CELF2: variants seen among roughly 807,000 people sequenced by gnomAD.
The protein encoded by CELF2 is CUGBP Elav-like family member 2.
Under a neutral mutation model 62.6 loss-of-function variants are expected in CELF2, and 8 were observed. That is an observed-to-expected ratio of 0.13 (90% confidence interval 0.07 to 0.23). The LOEUF is 0.23. CELF2 is among the 10% of genes least tolerant of loss of function. The pLI, the probability that CELF2 is intolerant of heterozygous loss-of-function variation, is 1.00. For missense variants in CELF2, 333 were observed against 671.0 expected, an observed-to-expected ratio of 0.50 and a Z score of 5.56; for synonymous variants, 258 against 250.0, an observed-to-expected ratio of 1.03 and a Z score of -0.30.
At chr10:10,905,854 G>C (rs1488565016) in intron 1 of CELF2, among the ~76,000 whole-genome samples, 1 of 151,208 alleles carries the variant, frequency 6.6e-6, no homozygotes, top group East Asian at 2.0e-4. Flanking sequence ...CTCCAGCCTG[G>C]GTGACAGAGC....
chr10:10,839,115 C>T (rs1403929174), intron 1 of CELF2, among the ~76,000 whole-genome samples: 1 of 152,136 alleles, frequency 6.6e-6, no homozygotes, highest in East Asian at 1.9e-4. Flanking sequence ...CACTGCACTC[C>T]AGCCTGAGCG....
chr10:11,042,193 T>A (rs1218752156), intron 1 of CELF2, among the ~76,000 whole-genome samples: 2 of 152,246 alleles, frequency 1.3e-5, no homozygotes, highest in Non-Finnish European at 2.9e-5. Context: ...TCTCCTTCCC[T>A]TTCAAATTTG....
At chr10:10,625,356 T>A in the CELF2 span, among the ~76,000 whole-genome samples, 1 of 152,210 alleles carries the variant, frequency 6.6e-6, no homozygotes, top group Non-Finnish European at 1.5e-5. Flanking sequence ...TGCCATTACA[T>A]ATTAATGCAT....
intron 1 of CELF2, among the ~76,000 whole-genome samples, chr10:11,074,189 A>G (rs1361850690): frequency 6.6e-6 from 1 of 152,204 alleles, no homozygotes; most frequent in Non-Finnish European, 1.5e-5. Flanking sequence ...CCAAATTCAA[A>G]CTAGCTTTGA....
At chr10:11,001,690 A>C (rs539640691), upstream of CELF2, among the ~76,000 whole-genome samples, 7 of 152,324 alleles carry the variant, frequency 4.6e-5, no homozygotes, top group East Asian at 1.3e-3. Context: ...TATTAGCTAA[A>C]AATGTAATTT....
chr10:10,720,612 C>A, the CELF2 span, among the ~76,000 whole-genome samples: 1 of 152,078 alleles, frequency 6.6e-6, no homozygotes, highest in Admixed American at 6.6e-5. Flanking sequence ...CTATAGCGAA[C>A]GCTGACAAGA....
At chr10:10,850,327 C>T (rs1164524928) in intron 1 of CELF2, among the ~76,000 whole-genome samples, 1 of 152,206 alleles carries the variant, frequency 6.6e-6, no homozygotes, top group Non-Finnish European at 1.5e-5. Context: ...ATTGCTATCA[C>T]TGCATGGTAC....
rs958225966 is a variant in CELF2 at position 11,246,770 on chromosome 10, C to T, written c.355-2383C>T. ...CAGCTCTTTGCACCCTTCTTTCCCT[C>T]GCTGACAGCTTCGCGCATACCTGTG... is the stretch of plus-strand genomic sequence containing the variant. On this transcript the variant is annotated intron_variant, in intron 3 of 12. Coordinates refer to ENST00000633077, the MANE Select transcript of CELF2 (RefSeq NM_001326342.2). This position sits in a 1 kb window ranked among gnomAD's most constrained non-coding sequence, Gnocchi z 4.6. Among the ~76,000 whole-genome samples, 3 of 152,164 alleles carry T rather than the reference C, an allele frequency of 2.0e-5. No individual in the cohort carries two copies. Among genetic ancestry groups the T allele is most frequent in the African/African-American group, 7.2e-5 (3 of 41,434 alleles).
chr10:10,554,549 C>A, the CELF2 span, among the ~76,000 whole-genome samples: 19,263 of 152,142 alleles, frequency 0.13, 1,341 homozygotes, highest in South Asian at 0.19. Flanking sequence ...CAGTTTGCAG[C>A]AGCTCTGTCC....
the CELF2 span, among the ~76,000 whole-genome samples, chr10:10,747,322 C>CA: frequency 2.0e-5 from 3 of 152,080 alleles, no homozygotes; most frequent in Admixed American, 6.5e-5. Flanking sequence ...GTAAAACACA[C>CA]AAAAAATTGA....
At chr10:10,848,488 G>A (rs2059155280) in intron 1 of CELF2, among the ~76,000 whole-genome samples, 1 of 152,182 alleles carries the variant, frequency 6.6e-6, no homozygotes, top group South Asian at 2.1e-4. Flanking sequence ...GGAAATTAAA[G>A]ATGGGTTTAC....
intron 3 of CELF2, among the ~76,000 whole-genome samples, chr10:11,228,157 T>C (rs1337417055): frequency 2.0e-5 from 3 of 152,236 alleles, no homozygotes; most frequent in Admixed American, 1.3e-4. Flanking sequence ...TTTTGGCTTA[T>C]AAATGTTTTG....
chr10:10,732,955 C>T, the CELF2 span, among the ~76,000 whole-genome samples: 1 of 152,208 alleles, frequency 6.6e-6, no homozygotes, highest in Admixed American at 6.5e-5. Flanking sequence ...GAGGATGAGC[C>T]TCACTACTAA....
At chr10:10,814,242 C>T in intron 1 of CELF2, among the ~76,000 whole-genome samples, 1 of 65,286 alleles carries the variant, frequency 1.5e-5, no homozygotes, top group African/African-American at 6.2e-5. Context: ...AAAAAAAAAG[C>T]TGCTCTAAAG....
chr10:11,118,177 C>T (rs541980582), intron 1 of CELF2, among the ~76,000 whole-genome samples: 2 of 152,128 alleles, frequency 1.3e-5, no homozygotes, highest in Non-Finnish European at 2.9e-5. Context: ...GTAGCGCCAA[C>T]TGAGGGCTCA....
At chr10:10,887,866 A>G (rs4750002) in intron 1 of CELF2, among the ~76,000 whole-genome samples, 68,929 of 151,662 alleles carry the variant, frequency 0.45, 16,932 homozygotes, top group Middle Eastern at 0.58. Context: ...CCACCTCCCA[A>G]GTTCAAGCGA....
the CELF2 span, among the ~76,000 whole-genome samples, chr10:10,673,270 G>T: frequency 6.6e-6 from 1 of 152,014 alleles, no homozygotes; most frequent in African/African-American, 2.4e-5. Flanking sequence ...TGTATGTATT[G>T]TCTTTTCTTT....
Position 11,243,158 on chromosome 10 carries a change from A to G in CELF2, c.355-5995A>G, listed in dbSNP as rs1312754231. Reference sequence around the variant, plus strand: ...TGCATAGGACGCTGATTCTTAGTACACAGCAGCAACAGAGCTTCAGCAGAT... The same window carrying G: ...TGCATAGGACGCTGATTCTTAGTACGCAGCAGCAACAGAGCTTCAGCAGAT... On this transcript the variant is annotated intron_variant, in intron 3 of 12. Transcript: ENST00000633077. The surrounding 1 kb of genome is among the most constrained non-coding windows in gnomAD (Gnocchi z 4.1). Among the ~76,000 whole-genome samples the G allele has an allele frequency of 1.3e-5, 2 of 152,074 alleles. No individual in the cohort carries two copies. The highest frequency in any genetic ancestry group is 1.9e-4 in the East Asian group (1 of 5,188).
intron 2 of CELF2, among the ~76,000 whole-genome samples, chr10:11,202,476 G>A (rs2135292793): frequency 6.6e-6 from 1 of 152,276 alleles, no homozygotes; most frequent in South Asian, 2.1e-4. Context: ...TAGCAAATTT[G>A]GATCCTAGAC....
Sources: gnomAD v4.1 joint callset for allele counts (sites outside exome capture counted in the v4.1 genomes callset) on GRCh38, gnomAD v4.1.1 for gene constraint, Gnocchi (gnomAD v3.1) non-coding constraint, MANE v1.5 for transcripts, NCBI Gene and HGNC (gene_info 2026-07-23, HGNC 2026-07-21) for gene names.